Variants in EVL observed in about 807,000 individuals in gnomAD.
The protein encoded by EVL is Enah/Vasp-like.
Under a neutral mutation model 59.6 loss-of-function variants are expected in EVL, and 21 were observed. The ratio of observed to expected loss-of-function variants is 0.35; its 90% CI spans 0.25 to 0.51. The LOEUF is 0.51. EVL is among the 20% of genes least tolerant of loss of function. The pLI is 0.97. For missense variants in EVL, 462 were observed against 546.6 expected (o/e 0.85, Z 1.54); for synonymous variants, 198 against 203.5 (o/e 0.97, Z 0.23).
chr14:100,089,343 T>C (rs2062514826), intron 2 of EVL, among the ~76,000 whole-genome samples: 1 of 152,200 alleles, frequency 6.6e-6, no homozygotes, highest in Non-Finnish European at 1.5e-5. Flanking sequence ...TCTTCTCAAG[T>C]AAACAAAACA....
At chr14:100,142,595 C>G (rs1464364254) in intron 13 of EVL, among the ~76,000 whole-genome samples, 2 of 152,240 alleles carry the variant, frequency 1.3e-5, no homozygotes, top group African/African-American at 2.4e-5. Flanking sequence ...GTCCCACAAG[C>G]GCACAGGGGT....
At chr14:100,001,181 T>G (rs2060944193) in intron 1 of EVL, among the ~76,000 whole-genome samples, 2 of 152,220 alleles carry the variant, frequency 1.3e-5, no homozygotes, top group Admixed American at 6.5e-5. Context: ...TGCTGTTATT[T>G]TCTTCTGAAG....
In EVL at chr14:100,047,116, CTCTTTTT is replaced by C. The variant is rs1344116213; in HGVS notation, c.6-37569_6-37563del. On this transcript the variant is annotated intron_variant, in intron 1 of 13. Coordinates refer to the EVL transcript ENST00000402714. Reference sequence around the variant, plus strand: ...TTTGAGACCTTGGGCAGATCTCTCTCTCTTTTTTTTTTTTTTTTTTTTTTTTTTTACC... The same window carrying C: ...TTTGAGACCTTGGGCAGATCTCTCTCTTTTTTTTTTTTTTTTTTTTTTACC... Among the ~76,000 whole-genome samples the C allele has an allele frequency of 4.7e-3, 134 of 28,458 alleles. 5 individuals are homozygous for C. In the East Asian group the frequency reaches 0.057, roughly 12 times the overall value. 18.7% of individuals were successfully genotyped at this position (28,458 alleles called of 152,430 possible).
chr14:100,065,157 C>G (rs1344879470), upstream of EVL: 2 of 167,828 alleles, frequency 1.2e-5, no homozygotes, highest in Non-Finnish European at 2.6e-5. Context: ...GCCCCTACCT[C>G]CAGCAGGCTT....
intron 6 of EVL, among the ~76,000 whole-genome samples, chr14:100,129,175 A>C (rs1178665631): frequency 6.6e-6 from 1 of 152,150 alleles, no homozygotes; most frequent in Admixed American, 6.5e-5. Context: ...ACCCTTGCTC[A>C]TATGTTCTAG....
intron 1 of EVL, among the ~76,000 whole-genome samples, chr14:100,082,377 G>A (rs990373595): frequency 1.6e-4 from 24 of 152,226 alleles, no homozygotes; most frequent in African/African-American, 5.5e-4. Flanking sequence ...TTACTGGGAT[G>A]GCGAGGGGAC....
chr14:99,972,790 T>TG lies in EVL; in HGVS notation c.5+737dup, dbSNP rs1362957246. Among the ~76,000 whole-genome samples, 1 of 151,892 alleles carries TG rather than the reference T, an allele frequency of 6.6e-6. No individual in the cohort carries two copies. Among genetic ancestry groups the TG allele is most frequent in the Non-Finnish European group, 1.5e-5 (1 of 67,990 alleles). On this transcript the variant is annotated intron_variant, in intron 1 of 13. Coordinates refer to the EVL transcript ENST00000402714. The surrounding 1 kb of genome is among the most constrained non-coding windows in gnomAD (Gnocchi z 4.4). ...TCTCCAGATCCTGTCGTGACTTTTT[T>TG]GGGGTAATCACTTTTTTTTTTTCCA...
At chr14:100,063,426 A>G (rs747212977), upstream of EVL, among the ~76,000 whole-genome samples, 9 of 152,352 alleles carry the variant, frequency 5.9e-5, no homozygotes, top group Non-Finnish European at 1.2e-4. Context: ...CTGACCTCCT[A>G]TCATCTTACA....
chr14:100,125,363 C>T lies in EVL; in HGVS notation c.423-1344C>T, dbSNP rs142059051. On this transcript the variant is annotated intron_variant, in intron 4 of 13. Coordinates refer to ENST00000392920, the MANE Select transcript of EVL (RefSeq NM_016337.3). ...GGCAGGGGCAAGACTTACTCAGTGACGCAGAGACTCCAAGCATCCAAACAG... is the reference window on the plus strand; with the variant it reads ...GGCAGGGGCAAGACTTACTCAGTGATGCAGAGACTCCAAGCATCCAAACAG... Among the ~76,000 whole-genome samples, 268 of 152,284 alleles carry T rather than the reference C, an allele frequency of 1.8e-3. 2 individuals carry two copies. Among genetic ancestry groups the T allele is most frequent in the Admixed American group, 0.012 (183 of 15,296 alleles).
chr14:100,102,920 ACT>A, intron 3 of EVL, among the ~76,000 whole-genome samples: 1 of 152,056 alleles, frequency 6.6e-6, no homozygotes, highest in East Asian at 1.9e-4. Flanking sequence ...ACATGGTGAA[ACT>A]CTGTCTCTAC....
chr14:100,083,662 C>G (rs1035936817), intron 1 of EVL, among the ~76,000 whole-genome samples: 2 of 152,168 alleles, frequency 1.3e-5, no homozygotes, highest in Non-Finnish European at 2.9e-5. Context: ...ATACTTTGAA[C>G]AAATGAGGTT....
In EVL at chr14:100,018,723, C is replaced by T. The variant is rs572505029; in HGVS notation, c.5+46666C>T. Among the ~76,000 whole-genome samples the T allele has an allele frequency of 2.6e-5, 4 of 152,338 alleles. No individual in the cohort carries two copies. In the South Asian group the frequency reaches 8.3e-4, roughly 32 times the overall value. ...GGGAGAGAAAAAACGTCAAGAGTGA[C>T]TCATACGTTTTTATTTGAGATCTGC... On this transcript the variant is annotated intron_variant, in intron 1 of 13. Coordinates refer to the EVL transcript ENST00000402714.
chr14:100,079,920 G>A (rs532155980), intron 1 of EVL, among the ~76,000 whole-genome samples: 1 of 152,212 alleles, frequency 6.6e-6, no homozygotes, highest in East Asian at 1.9e-4. Context: ...TGAGTAGCTG[G>A]GACTACAGGC....
chr14:100,129,761 A>G, intron 7 of EVL, 77 bp downstream of exon 7: 1 of 1,441,956 alleles, frequency 6.9e-7, no homozygotes, highest in Non-Finnish European at 9.2e-7. Context: ...TGCACAGAGA[A>G]TCCTCTCTTG....
At chr14:100,032,739 C>T (rs2061332374) in intron 1 of EVL, among the ~76,000 whole-genome samples, 3 of 152,160 alleles carry the variant, frequency 2.0e-5, no homozygotes, top group Non-Finnish European at 4.4e-5. Context: ...TTTCTGACCT[C>T]TACAGCCCAC....
chr14:100,128,548 T>A lies in EVL; in HGVS notation c.517T>A (p.Ser173Thr), dbSNP rs2094718770. Reference sequence around the variant, plus strand: ...CATCCTCCCACCAGGACATCCTTCATCTGCAGCCAGCGCCCCCGTCTCATG... The same window carrying A: ...CATCCTCCCACCAGGACATCCTTCAACTGCAGCCAGCGCCCCCGTCTCATG... The part of the protein sequence containing the change: ...GPILPPGHPS[S>T]AASAPVSCSG... The change falls in exon 6 of 14, where the codon TCT becomes ACT. Residue 173 changes from serine (S) to threonine (T), a missense_variant. Coordinates refer to ENST00000392920, the MANE Select transcript of EVL (RefSeq NM_016337.3). The A allele has an allele frequency of 6.2e-7, 1 of 1,611,246 alleles. No individual in the cohort carries two copies. Among genetic ancestry groups the A allele is most frequent in the African/African-American group, 1.3e-5 (1 of 74,760 alleles).
In EVL at chr14:100,098,436, GATTGGAAATGAA is replaced by G. The variant is rs1885970043; in HGVS notation, c.358+787_358+798del. On this transcript the variant is annotated intron_variant, in intron 3 of 13. Transcript: ENST00000392920. Reference sequence around the variant, plus strand: ...GGGCCTGGAGTGCAGATAGGAAAGAGATTGGAAATGAAATTGGAAAGGCATCAGGGCTTGCAC... The same window carrying G: ...GGGCCTGGAGTGCAGATAGGAAAGAGATTGGAAAGGCATCAGGGCTTGCAC... Among the ~76,000 whole-genome samples the G allele has an allele frequency of 2.6e-5, 4 of 152,204 alleles. 1 individual carries two copies. The highest frequency in any genetic ancestry group is 2.6e-4 in the Admixed American group (4 of 15,274).
chr14:99,986,290 C>CAAAAAAAAAAA (rs3072366), intron 1 of EVL, among the ~76,000 whole-genome samples: 9 of 78,456 alleles, frequency 1.1e-4, no homozygotes, highest in African/African-American at 3.3e-4. Context: ...GACTCTGTCT[C>CAAAAAAAAAAA]AAAAAAAAAA....
intron 1 of EVL, among the ~76,000 whole-genome samples, chr14:100,037,553 A>G (rs2061406577): frequency 6.6e-6 from 1 of 152,232 alleles, no homozygotes; most frequent in African/African-American, 2.4e-5. Context: ...AGCACGTGAC[A>G]TTAATTCCAG....
Sources: gnomAD v4.1 joint callset for allele counts (sites outside exome capture counted in the v4.1 genomes callset) on GRCh38, gnomAD v4.1.1 for gene constraint, Gnocchi (gnomAD v3.1) non-coding constraint, MANE v1.5 for transcripts, NCBI Gene and HGNC (gene_info 2026-07-23, HGNC 2026-07-21) for gene names.